FBXO11: variants seen among roughly 807,000 people sequenced by gnomAD.
FBXO11 encodes F-box protein 11.
Under a neutral mutation model 117.0 loss-of-function variants are expected in FBXO11, and 13 were observed. The observed-to-expected ratio is 0.11, with a 90% CI of 0.07 to 0.18. FBXO11 has a LOEUF of 0.18. FBXO11 is among the 10% of genes least tolerant of loss of function. The pLI is 1.00. For missense variants in FBXO11, 767 were observed against 1,164.4 expected, an observed-to-expected ratio of 0.66 and a Z score of 4.97; for synonymous variants, 490 against 380.5, an observed-to-expected ratio of 1.29 and a Z score of -3.35.
chr2:47,888,502 T>A (rs977917787), intron 1 of FBXO11: 1 of 164,008 alleles, frequency 6.1e-6, no homozygotes, highest in African/African-American at 2.4e-5. Flanking sequence ...ATGTTCTTTA[T>A]GTCAGTCTAA....
At chr2:47,832,060 G>A (rs1395927913) in intron 11 of FBXO11, among the ~76,000 whole-genome samples, 1 of 151,934 alleles carries the variant, frequency 6.6e-6, no homozygotes, top group Non-Finnish European at 1.5e-5. Context: ...AAAGCTTTTG[G>A]GTGGCTTTTA....
intron 1 of FBXO11, among the ~76,000 whole-genome samples, chr2:47,893,107 T>C (rs146007408): frequency 4.1e-3 from 623 of 151,868 alleles, no homozygotes; most frequent in Non-Finnish European, 5.4e-3. Context: ...TGAGTCAACA[T>C]TGCACCACTG....
Position 47,905,581 on chromosome 2 carries a change from GGCGGAGGCT to G in FBXO11, c.131_139del (p.Gln44_Pro46del). 2 of 1,258,026 alleles carry G rather than the reference GGCGGAGGCT, an allele frequency of 1.6e-6. No homozygotes were observed. Among genetic ancestry groups the G allele is most frequent in the African/African-American group, 3.1e-5 (2 of 63,888 alleles). 77.9% of individuals were successfully genotyped at this position (1,258,026 alleles called of 1,614,324 possible). ...CTGCTGCTGCTGCTGCTGCGGCGGC[GGCGGAGGCT>G]GCTGCTGGGGCGGCTGCTGCTGGGG... is the stretch of plus-strand genomic sequence containing the variant. On this transcript the variant is annotated inframe_deletion, in exon 1 of 23. Transcript: ENST00000403359.
intron 1 of FBXO11, among the ~76,000 whole-genome samples, chr2:47,880,392 T>C (rs1382315463): frequency 2.0e-5 from 3 of 152,252 alleles, no homozygotes; most frequent in Non-Finnish European, 4.4e-5. Context: ...CATGGCTTTA[T>C]TTTATTCATT....
chr2:47,898,948 TA>T (rs1052699361), intron 1 of FBXO11, among the ~76,000 whole-genome samples: 76 of 146,972 alleles, frequency 5.2e-4, no homozygotes, highest in East Asian at 9.8e-4. Flanking sequence ...CTTCATTTAT[TA>T]AAAAAAAAAA....
intron 1 of FBXO11, among the ~76,000 whole-genome samples, chr2:47,840,266 A>G (rs948710907): frequency 2.0e-5 from 3 of 152,066 alleles, no homozygotes; most frequent in African/African-American, 7.2e-5. Flanking sequence ...TTTTAAAAAA[A>G]GGTGAGGAGG....
At chr2:47,847,952 A>T (rs1325895186) in intron 1 of FBXO11, among the ~76,000 whole-genome samples, 1 of 151,656 alleles carries the variant, frequency 6.6e-6, no homozygotes, top group Non-Finnish European at 1.5e-5. Flanking sequence ...GTGAAACCCC[A>T]TCTCTACTAA....
At chr2:47,902,365 C>G (rs916412689) in intron 1 of FBXO11, among the ~76,000 whole-genome samples, 1 of 152,172 alleles carries the variant, frequency 6.6e-6, no homozygotes, top group Non-Finnish European at 1.5e-5. Flanking sequence ...ACACAATAGT[C>G]CATGAAATAC....
rs1670348849 is a variant in FBXO11 at position 47,808,067 on chromosome 2, G to A, written c.*51C>T. 6.7e-7 allele frequency: 1 copy of A among 1,494,952 alleles called. No homozygotes were observed. Among genetic ancestry groups the A allele is most frequent in the South Asian group, 1.2e-5 (1 of 84,050 alleles). 92.6% of individuals were successfully genotyped at this position (1,494,952 alleles called of 1,614,324 possible). On this transcript the variant is annotated 3_prime_UTR_variant, in exon 23 of 23. Transcript: ENST00000403359. ...ATTTTAAATCTTCTTCCAAAAAAGT[G>A]TTTTAAGTTATGATGTTACAATGGC...
At chr2:47,812,638 GAT>G (rs1281098624) in intron 18 of FBXO11, among the ~76,000 whole-genome samples, 1 of 152,158 alleles carries the variant, frequency 6.6e-6, no homozygotes, top group Non-Finnish European at 1.5e-5. Flanking sequence ...TTCTATGTAA[GAT>G]ATGTACAAAT....
At chr2:47,848,049 G>A (rs530708510) in intron 1 of FBXO11, among the ~76,000 whole-genome samples, 6 of 151,074 alleles carry the variant, frequency 4.0e-5, no homozygotes, top group African/African-American at 9.7e-5. Context: ...CTGTGAACCC[G>A]GGAGGTGGAG....
chr2:47,880,462 C>T (rs969464382), intron 1 of FBXO11, among the ~76,000 whole-genome samples: 1 of 152,054 alleles, frequency 6.6e-6, no homozygotes, highest in Admixed American at 6.6e-5. Flanking sequence ...TTCCTGGCTC[C>T]TTTCTTGTTT....
intron 1 of FBXO11, among the ~76,000 whole-genome samples, chr2:47,843,891 C>A (rs1208172668): frequency 6.6e-6 from 1 of 152,088 alleles, no homozygotes; most frequent in Non-Finnish European, 1.5e-5. Flanking sequence ...CAGGCACGCG[C>A]CACTACGCCC....
chr2:47,852,804 A>G, intron 1 of FBXO11, among the ~76,000 whole-genome samples: 1 of 152,190 alleles, frequency 6.6e-6, no homozygotes, highest in East Asian at 1.9e-4. Context: ...CCTTGCATCA[A>G]CTTCATAAGG....
chr2:47,897,191 CAT>C (rs1677733992), intron 1 of FBXO11, among the ~76,000 whole-genome samples: 1 of 152,136 alleles, frequency 6.6e-6, no homozygotes, highest in Non-Finnish European at 1.5e-5. Flanking sequence ...CATAAAGCCA[CAT>C]GTTCTTATAT....
In FBXO11 at chr2:47,835,952, G is replaced by A. The variant is rs1486808464; in HGVS notation, c.637C>T (p.Pro213Ser). The change falls in exon 5 of 23, where the codon CCT (proline) becomes TCT (serine). Residue 213 changes from proline (P) to serine (S), a missense_variant. Around this residue, in one of 10 missense-constraint regions of FBXO11, gnomAD observed 355 missense variants for 299.8 expected, o/e 1.18. Transcript: ENST00000403359. ...ATCTGGTAGAATTTTCCAGGTTCAG[G>A]ATGCATCATAGGGCGAGTATATTCA... Reference protein sequence around the residue: ...VFEYTRPMMHPEPGKFYQINP... With the variant: ...VFEYTRPMMHSEPGKFYQINP... The A allele has an allele frequency of 6.2e-7, 1 of 1,611,428 alleles. No individual in the cohort carries two copies. Among genetic ancestry groups the A allele is most frequent in the Admixed American group, 1.7e-5 (1 of 59,962 alleles).
At chr2:47,879,888 T>C (rs936966619) in intron 1 of FBXO11, among the ~76,000 whole-genome samples, 1 of 152,226 alleles carries the variant, frequency 6.6e-6, no homozygotes, top group Non-Finnish European at 1.5e-5. Flanking sequence ...TTTCACTTAG[T>C]GTAATTCCTC....
intron 20 of FBXO11, 118 bp downstream of exon 20, chr2:47,809,482 C>T (rs996970871): frequency 1.3e-6 from 1 of 780,394 alleles, no homozygotes; most frequent in African/African-American, 1.8e-5. Context: ...CTTTCAAAAT[C>T]TATCTTAAAC....
Position 47,893,661 on chromosome 2 carries a change from T to C in FBXO11, c.232+11828A>G, listed in dbSNP as rs532231137. 8.5e-5 allele frequency among the ~76,000 whole-genome samples: 13 copies of C among 152,352 alleles called. No individual in the cohort carries two copies. The South Asian group carries it at 2.5e-3, about 29-fold the overall frequency. Reference sequence around the variant, plus strand: ...GAACTACGTTTGCATGGTGATAACCTAACAAATTCAAACCTTGCTGATTTA... The same window carrying C: ...GAACTACGTTTGCATGGTGATAACCCAACAAATTCAAACCTTGCTGATTTA... On this transcript the variant is annotated intron_variant, in intron 1 of 22. Transcript: ENST00000403359.
Sources: gnomAD v4.1 joint callset for allele counts (sites outside exome capture counted in the v4.1 genomes callset) on GRCh38, gnomAD v4.1.1 for gene constraint, gnomAD v4.1.1 regional missense constraint, MANE v1.5 for transcripts, NCBI Gene and HGNC (gene_info 2026-07-23, HGNC 2026-07-21) for gene names.